HFM1: variants seen among roughly 807,000 people sequenced by gnomAD.
HFM1 encodes probable ATP-dependent DNA helicase HFM1.
In HFM1, 169 loss-of-function variants were observed where a neutral mutation model predicts 192.1. That is an observed-to-expected ratio of 0.88 (90% CI 0.78 to 1.00). HFM1 has a LOEUF of 1.00. HFM1 is among the 50% of genes least tolerant of loss of function. The pLI is 0.00. For missense variants in HFM1, 1,661 were observed against 1,668.0 expected (o/e 1.00, Z 0.07); for synonymous variants, 525 against 537.8 (o/e 0.98, Z 0.33).
chr1:91,377,470 G>A (rs541764891), intron 11 of HFM1: 15 of 152,008 alleles, frequency 9.9e-5, no homozygotes, highest in African/African-American at 3.4e-4. Flanking sequence ...CTTAAAAATT[G>A]AAGAAAAAAT....
At chr1:91,328,693 G>A in intron 20 of HFM1, 1 of 1,600,336 alleles carries the variant, frequency 6.2e-7, no homozygotes, top group Non-Finnish European at 8.5e-7. Flanking sequence ...TGAACTGCGG[G>A]GCTGAGGCAG....
chr1:91,323,123 A>G lies in HFM1; in HGVS notation c.2504T>C (p.Leu835Ser), dbSNP rs994404901. Residue 835 changes from leucine to serine, a missense_variant, in exon 22 of 39, where the codon TTG becomes TCG. Leu to Ser is a moderately radical substitution (Grantham distance 145). Coordinates refer to ENST00000370425, the MANE Select transcript of HFM1 (RefSeq NM_001017975.6). ...RINEKKTLNT[L>S]NKDPNRITIR... ...AGTTATCCGATTTGGATCTTTGTTC[A>G]AAGTATTCAGTGTTTTCTTTTCATT... 1.9e-6 allele frequency: 3 copies of G among 1,585,330 alleles called. No homozygotes were observed. In the African/African-American group the frequency reaches 4.0e-5, roughly 21 times the overall value.
intron 30 of HFM1, among the ~76,000 whole-genome samples, chr1:91,288,443 G>A (rs1098469): frequency 0.36 from 53,705 of 148,448 alleles, 10,405 homozygotes; most frequent in East Asian, 0.53. Context: ...ATTTGGCAGG[G>A]TCATAGGACA....
At chr1:91,373,392 T>C (rs763221850) in intron 13 of HFM1, among the ~76,000 whole-genome samples, 10 of 152,168 alleles carry the variant, frequency 6.6e-5, no homozygotes, top group Non-Finnish European at 1.2e-4. Context: ...TATTTACTGA[T>C]TTCCAGAAGT....
intron 30 of HFM1, among the ~76,000 whole-genome samples, chr1:91,279,629 T>C (rs371021866): frequency 3.2e-4 from 49 of 152,310 alleles, no homozygotes; most frequent in African/African-American, 1.1e-3. Flanking sequence ...ACACATTCAA[T>C]TGCCATTCTT....
chr1:91,298,500 TTGAAA>T (rs1475987495), intron 30 of HFM1, among the ~76,000 whole-genome samples: 1 of 88,896 alleles, frequency 1.1e-5, no homozygotes, highest in African/African-American at 4.6e-5. Context: ...TTCACCAAAG[TTGAAA>T]TGAAGGAAAA....
intron 35 of HFM1, among the ~76,000 whole-genome samples, chr1:91,267,019 A>C (rs537826345): frequency 6.6e-6 from 1 of 152,302 alleles, no homozygotes; most frequent in South Asian, 2.1e-4. Flanking sequence ...GGTATCTATA[A>C]TTGTGGAAAT....
intron 13 of HFM1, among the ~76,000 whole-genome samples, chr1:91,366,441 T>C (rs968954627): frequency 6.6e-6 from 1 of 152,186 alleles, no homozygotes; most frequent in African/African-American, 2.4e-5. Context: ...ATGAACCAAC[T>C]TGATCATCTA....
Position 91,319,358 on chromosome 1 carries a change from A to G in HFM1, c.2615T>C (p.Ile872Thr). 1 of 1,612,688 alleles carries G rather than the reference A, an allele frequency of 6.2e-7. No homozygotes were observed. The highest frequency in any genetic ancestry group is 8.5e-7 in the Non-Finnish European group (1 of 1,178,744). The part of the protein sequence containing the change: ...LIQAQLGCIP[I>T]QDFALTQDTA... Reference sequence around the variant, plus strand: ...ATCTTGTGTCAAAGCAAAATCTTGTATGGGAATGCATCCTAGTTGAGCCTG... The same window carrying G: ...ATCTTGTGTCAAAGCAAAATCTTGTGTGGGAATGCATCCTAGTTGAGCCTG... The change falls in exon 24 of 39, where the codon ATA becomes ACA. Residue 872 changes from isoleucine (I) to threonine (T), a missense_variant. By Grantham distance (89) the Ile-to-Thr change is moderately conservative (BLOSUM62 -1). Transcript: ENST00000370425.
chr1:91,313,945 C>T lies in HFM1; in HGVS notation c.3244+12G>A, dbSNP rs1441420258. 2 of 1,411,652 alleles carry T rather than the reference C, an allele frequency of 1.4e-6. No individual in the cohort carries two copies. Among genetic ancestry groups the T allele is most frequent in the Non-Finnish European group, 2.0e-6 (2 of 1,006,862 alleles). 87.4% of individuals were successfully genotyped at this position (1,411,652 alleles called of 1,614,324 possible). ...ATTTATATTCATGTCTTCATTACTTCAATTAACTTACCAAATTCAGAACTT... is the reference window on the plus strand; with the variant it reads ...ATTTATATTCATGTCTTCATTACTTTAATTAACTTACCAAATTCAGAACTT... On this transcript the variant is annotated intron_variant, in intron 29 of 38. Transcript: ENST00000370425.
At position 91,381,859 on chromosome 1, in the gene HFM1, T is replaced by C. The variant is rs560034934; in HGVS notation, c.803-877A>G. Among the ~76,000 whole-genome samples the C allele has an allele frequency of 7.9e-5, 12 of 152,294 alleles. No individual in the cohort carries two copies. The East Asian group carries it at 1.7e-3, about 22-fold the overall frequency. ...AAACAACTGGATTTTTATAAAGATA[T>C]ACAAGAACTGATGGATTGCTGTAGT... On this transcript the variant is annotated intron_variant, in intron 6 of 38. Transcript: ENST00000370425.
chr1:91,356,101 AT>A lies in HFM1; in HGVS notation c.1686-2803del, dbSNP rs1476949921. On this transcript the variant is annotated intron_variant, in intron 13 of 38. Transcript: ENST00000370425. The stretch of plus-strand genomic sequence containing the variant: ...AAAAATCTTGAAAAAAATCACAAGT[AT>A]GTGGAAACTAAACAACATGCTCCTA... 5.3e-5 allele frequency among the ~76,000 whole-genome samples: 8 copies of A among 152,326 alleles called. No individual in the cohort carries two copies. In the East Asian group the frequency reaches 1.5e-3, roughly 29 times the overall value.
chr1:91,386,230 T>C (rs1207941309), intron 4 of HFM1, among the ~76,000 whole-genome samples: 2 of 152,160 alleles, frequency 1.3e-5, no homozygotes, highest in Non-Finnish European at 2.9e-5. Context: ...GTCTCTTAGA[T>C]CTCTCACTCT....
intron 23 of HFM1, among the ~76,000 whole-genome samples, chr1:91,321,138 T>C (rs34105527): frequency 0.2 from 30,152 of 152,052 alleles, 3,724 homozygotes; most frequent in South Asian, 0.35. Context: ...AATTTAAAAA[T>C]AGCCTTAAAT....
At chr1:91,338,994 A>G in intron 20 of HFM1, 1 of 455,892 alleles carries the variant, frequency 2.2e-6, no homozygotes, top group Middle Eastern at 3.3e-4. Flanking sequence ...CATGCAGCCC[A>G]GGAGCACTGA....
chr1:91,371,302 G>A (rs1014983034), intron 13 of HFM1, among the ~76,000 whole-genome samples: 327 of 145,014 alleles, frequency 2.3e-3, no homozygotes, highest in African/African-American at 7.9e-3. Flanking sequence ...TATGCCAAAA[G>A]AACAAAGCTG....
chr1:91,265,516 C>CCT (rs34307421), intron 36 of HFM1, among the ~76,000 whole-genome samples: 152,060 of 152,242 alleles, frequency 1, 75,939 homozygotes, highest in Non-Finnish European at 1. Context: ...GTTTGCGACC[C>CCT]GACTGGGTAC....
At chr1:91,287,892 G>T (rs370165276) in intron 30 of HFM1, among the ~76,000 whole-genome samples, 2 of 151,974 alleles carry the variant, frequency 1.3e-5, no homozygotes, top group South Asian at 2.1e-4. Flanking sequence ...CCGATGCGAT[G>T]AATTGGAAGA....
At chr1:91,300,266 A>C (rs1360303105) in intron 30 of HFM1, among the ~76,000 whole-genome samples, 1 of 152,220 alleles carries the variant, frequency 6.6e-6, no homozygotes, top group East Asian at 1.9e-4. Flanking sequence ...GACCAATAAC[A>C]GGCTCAGAAA....
Sources: allele counts gnomAD v4.1 joint callset (sites outside exome capture counted in the v4.1 genomes callset), GRCh38; gene constraint gnomAD v4.1.1; transcripts MANE v1.5; gene names NCBI Gene and HGNC (gene_info 2026-07-23, HGNC 2026-07-21).